The following MIDEAS variants were observed in gnomAD, a reference collection of about 807,000 sequenced individuals.
The protein encoded by MIDEAS is mitotic deacetylase-associated SANT domain protein.
A neutral mutation model predicts 102.7 loss-of-function variants in MIDEAS; 26 were observed. That is an observed-to-expected ratio of 0.25 (90% CI 0.19 to 0.35). The LOEUF (loss-of-function observed/expected upper bound fraction) is 0.35, where lower values mean the gene tolerates loss of function less well. Among genes scored for constraint, MIDEAS ranks in the 10% least tolerant of loss-of-function variants. MIDEAS has a pLI of 1.00. For synonymous variants in MIDEAS, 585 were observed against 591.0 expected, an observed-to-expected ratio of 0.99 and a Z score of 0.15; for missense variants, 1,231 against 1,435.6, an observed-to-expected ratio of 0.86 and a Z score of 2.30.
Position 73,727,287 on chromosome 14 carries a change from A to G in MIDEAS, c.2162+171T>C, listed in dbSNP as rs1031693688. ...TTGCCCTTCCCTGCAACTTCCACAC[A>G]GAGGCAGGGCGGGGACAGCAAAGCC... is the stretch of plus-strand genomic sequence containing the variant. On this transcript the variant is annotated intron_variant, in intron 5 of 12. Transcript: ENST00000423556. The G allele has an allele frequency of 7.0e-6, 5 of 714,492 alleles. No homozygotes were observed. The Admixed American group carries it at 8.0e-5, about 11-fold the overall frequency. The allele number at this position is 714,492 out of a possible 1,614,324, so 44.3% of individuals were successfully genotyped here.
chr14:73,786,081 C>T (rs948307075), intron 1 of MIDEAS, among the ~76,000 whole-genome samples: 3 of 152,242 alleles, frequency 2.0e-5, no homozygotes, highest in Non-Finnish European at 4.4e-5. Flanking sequence ...CTGCTAGGAA[C>T]TGCACCATTC....
At chr14:73,777,853 C>G (rs572495837) in intron 1 of MIDEAS, among the ~76,000 whole-genome samples, 1 of 152,094 alleles carries the variant, frequency 6.6e-6, no homozygotes, top group African/African-American at 2.4e-5. Flanking sequence ...CCCTGAACAC[C>G]TTGACATTGA....
chr14:73,758,210 G>A (rs536946892), intron 1 of MIDEAS, among the ~76,000 whole-genome samples: 1 of 152,318 alleles, frequency 6.6e-6, no homozygotes, highest in South Asian at 2.1e-4. Context: ...CAGAGCAGTT[G>A]GAAAAGGAAG....
intron 1 of MIDEAS, among the ~76,000 whole-genome samples, chr14:73,756,787 A>G (rs1436212070): frequency 6.6e-6 from 1 of 152,078 alleles, no homozygotes. Flanking sequence ...CGACACATGC[A>G]CTCCACAAGG....
At position 73,738,535 on chromosome 14, in the gene MIDEAS, T is replaced by C. The variant is rs558777700; in HGVS notation, c.1449+25A>G. 3.3e-6 allele frequency: 5 copies of C among 1,505,712 alleles called. No homozygotes were observed. In the Admixed American group the frequency reaches 6.4e-5, roughly 19 times the overall value. The allele number at this position is 1,505,712 out of a possible 1,614,324, so 93.3% of individuals were successfully genotyped here. On this transcript the variant is annotated intron_variant, in intron 2 of 12. Transcript: ENST00000423556. ...TCAGCCTGATGCCCTCTGCCAGGTG[T>C]GGCTCCACTGCATGCCACTCTCACC...
At chr14:73,757,865 C>T (rs2053504331) in intron 1 of MIDEAS, among the ~76,000 whole-genome samples, 1 of 152,226 alleles carries the variant, frequency 6.6e-6, no homozygotes, top group Non-Finnish European at 1.5e-5. Flanking sequence ...ATTTTAAAAT[C>T]CCACATGTAA....
intron 9 of MIDEAS, chr14:73,723,643 TAGAG>T (rs1566583031): frequency 6.6e-6 from 1 of 152,220 alleles, no homozygotes; most frequent in Non-Finnish European, 1.5e-5. Flanking sequence ...TGTTTAGACA[TAGAG>T]AAAGAGAAAG....
In MIDEAS at chr14:73,725,453, G is replaced by T; in HGVS notation, c.2486-93C>A. On this transcript the variant is annotated intron_variant, in intron 8 of 12. Coordinates refer to ENST00000423556, the MANE Select transcript of MIDEAS (RefSeq NM_001367710.1). This position sits in a 1 kb window ranked among gnomAD's most constrained non-coding sequence, Gnocchi z 4.1. ...CAAGCAAAAAAGTGTGAGGCCATCC[G>T]CCCATGGTTTCTGCAGGCATCAGAG... The T allele has an allele frequency of 9.8e-7, 1 of 1,016,394 alleles. No homozygotes were observed. The highest frequency in any genetic ancestry group is 1.6e-6 in the Non-Finnish European group (1 of 644,564). The allele number at this position is 1,016,394 out of a possible 1,614,324, so 63.0% of individuals were successfully genotyped here.
chr14:73,719,016 C>G lies in MIDEAS; in HGVS notation c.3135-8G>C. On this transcript the variant is annotated splice_polypyrimidine_tract_variant and splice_region_variant and intron_variant, in intron 12 of 12. Transcript: ENST00000423556. The stretch of plus-strand genomic sequence containing the variant: ...TTCACCTTGTAAAACACCCTGCAGC[C>G]GGGTGGGGGTTGCTCAGAACCGGCC... The G allele has an allele frequency of 6.8e-7, 1 of 1,472,218 alleles. No homozygotes were observed. Among genetic ancestry groups the G allele is most frequent in the East Asian group, 2.5e-5 (1 of 40,434 alleles). 91.2% of individuals were successfully genotyped at this position (1,472,218 alleles called of 1,614,324 possible). A position where few individuals can be genotyped will look rare whatever the true frequency, so the allele number is the denominator to read the frequency against.
At chr14:73,753,280 C>T (rs1344990693) in intron 1 of MIDEAS, among the ~76,000 whole-genome samples, 1 of 152,096 alleles carries the variant, frequency 6.6e-6, no homozygotes, top group African/African-American at 2.4e-5. Context: ...CAAGATATCT[C>T]CCCTACCAGC....
At chr14:73,771,873 A>G (rs2140168969) in intron 1 of MIDEAS, among the ~76,000 whole-genome samples, 1 of 152,392 alleles carries the variant, frequency 6.6e-6, no homozygotes. Context: ...CAGGAGGTCA[A>G]TTAGCAAAGC....
rs955110538 is a variant in MIDEAS, at chr14:73,738,321, C to T, written c.1449+239G>A. ...CTGAGGCTGGAGAATCACTTGAACC[C>T]GGTGATCTGTATCTATCTGTATCTG... On this transcript the variant is annotated intron_variant, in intron 2 of 12. Coordinates refer to ENST00000423556, the MANE Select transcript of MIDEAS (RefSeq NM_001367710.1). Among the ~76,000 whole-genome samples the T allele has an allele frequency of 2.0e-5, 3 of 152,130 alleles. No individual in the cohort carries two copies. The East Asian group carries it at 5.8e-4, about 30-fold the overall frequency.
chr14:73,739,466 T>C lies in MIDEAS; in HGVS notation c.543A>G (p.Pro181=), dbSNP rs201624772. The change falls in exon 2 of 13, where the codon CCA becomes CCG. Residue 181 remains proline (P), a synonymous_variant. Transcript: ENST00000423556. Reference sequence around the variant, plus strand: ...CCAGCTGCACCTTCTGTGGCATCATTGGTCGCACATAGCGGTCCAGCTGTG... The same window carrying C: ...CCAGCTGCACCTTCTGTGGCATCATCGGTCGCACATAGCGGTCCAGCTGTG... ...GGPQLDRYVR[P]MMPQKVQLEV... The C allele has an allele frequency of 1.2e-6, 2 of 1,604,290 alleles. No homozygotes were observed. The highest frequency in any genetic ancestry group is 1.7e-6 in the Non-Finnish European group (2 of 1,174,734).
At chr14:73,721,966 A>T (rs943097649) in intron 10 of MIDEAS, among the ~76,000 whole-genome samples, 1 of 152,218 alleles carries the variant, frequency 6.6e-6, no homozygotes, top group African/African-American at 2.4e-5. Context: ...CAATCCCAAA[A>T]ATGATGCTAG....
intron 1 of MIDEAS, among the ~76,000 whole-genome samples, chr14:73,774,848 C>T (rs2053675550): frequency 6.6e-6 from 1 of 152,026 alleles, no homozygotes; most frequent in Admixed American, 6.6e-5. Context: ...TGGGCCTGCC[C>T]GATGCTCCCT....
upstream of MIDEAS, among the ~76,000 whole-genome samples, chr14:73,760,945 G>C (rs561091043): frequency 6.6e-6 from 1 of 152,302 alleles, no homozygotes; most frequent in South Asian, 2.1e-4. This position sits in a 1 kb window ranked among gnomAD's most constrained non-coding sequence, Gnocchi z 4.8. Context: ...CTCCTTGCCT[G>C]ACTGGTGGGA....
chr14:73,768,706 G>C (rs62006085), intron 1 of MIDEAS, among the ~76,000 whole-genome samples: 22,291 of 152,022 alleles, frequency 0.15, 2,671 homozygotes, highest in East Asian at 0.67. Flanking sequence ...GGCTGGTCTC[G>C]AACTCCTGAC....
intron 1 of MIDEAS, among the ~76,000 whole-genome samples, chr14:73,758,118 T>TA (rs1036784158): frequency 2.0e-5 from 3 of 152,014 alleles, no homozygotes; most frequent in Non-Finnish European, 4.4e-5. Context: ...CCAATCCAAT[T>TA]AGAGTGGAGA....
At chr14:73,785,017 T>C (rs968594126) in intron 1 of MIDEAS, among the ~76,000 whole-genome samples, 3 of 152,082 alleles carry the variant, frequency 2.0e-5, no homozygotes, top group African/African-American at 7.2e-5. Flanking sequence ...GGCCAGGCAT[T>C]GGAGAAACTC....
Sources: allele counts gnomAD v4.1 joint callset (sites outside exome capture counted in the v4.1 genomes callset), GRCh38; gene constraint gnomAD v4.1.1; non-coding constraint Gnocchi (gnomAD v3.1); transcripts MANE v1.5; gene names NCBI Gene and HGNC (gene_info 2026-07-23, HGNC 2026-07-21).